The following ACOXL variants were observed in gnomAD, a reference collection of about 807,000 sequenced individuals.
The protein encoded by ACOXL is acyl-CoA oxidase like, also known as acyl-coenzyme A oxidase-like protein.
ACOXL carries 70 observed loss-of-function variants against 71.9 expected under a neutral mutation model. The ratio of observed to expected loss-of-function variants is 0.97; its 90% CI spans 0.80 to 1.19. The LOEUF (loss-of-function observed/expected upper bound fraction) is 1.19. ACOXL is among the 50% of genes most tolerant of loss of function. The pLI, the probability that ACOXL is intolerant of heterozygous loss-of-function variation, is 0.00. For missense variants in ACOXL, 703 were observed against 736.3 expected (o/e 0.95, Z 0.52); for synonymous variants, 253 against 281.6 (o/e 0.90, Z 1.02).
intron 17 of ACOXL, among the ~76,000 whole-genome samples, chr2:111,104,410 C>T (rs2069392345): frequency 1.3e-5 from 2 of 152,158 alleles, no homozygotes; most frequent in Non-Finnish European, 2.9e-5. Flanking sequence ...TAAGAAATTA[C>T]CAAACTTTTT....
intron 9 of ACOXL, among the ~76,000 whole-genome samples, chr2:110,810,225 T>A (rs1279130224): frequency 6.6e-6 from 1 of 152,266 alleles, no homozygotes; most frequent in Non-Finnish European, 1.5e-5. Flanking sequence ...TTGTCTGTTT[T>A]CTTTTTGCTT....
At chr2:110,955,933 A>AT (rs67285328) in intron 12 of ACOXL, among the ~76,000 whole-genome samples, 21,360 of 101,802 alleles carry the variant, frequency 0.21, 3,063 homozygotes, top group Non-Finnish European at 0.28. Flanking sequence ...CTTGCCACAG[A>AT]TTTTTTTTTT....
intron 10 of ACOXL, among the ~76,000 whole-genome samples, chr2:110,902,247 A>C (rs1272425529): frequency 6.6e-6 from 1 of 152,188 alleles, no homozygotes; most frequent in Admixed American, 6.5e-5. Context: ...AGGTGGGCAG[A>C]TCACTTGAAG....
intron 16 of ACOXL, among the ~76,000 whole-genome samples, chr2:111,071,716 CTTA>C (rs1481616907): frequency 6.6e-6 from 1 of 152,174 alleles, no homozygotes; most frequent in African/African-American, 2.4e-5. Context: ...CATCTTCCTG[CTTA>C]TTATGCAGCT....
At chr2:110,908,647 TA>T in intron 10 of ACOXL, 141 bp from the exon 11 acceptor site, 1 of 674,368 alleles carries the variant, frequency 1.5e-6, no homozygotes, top group Non-Finnish European at 2.6e-6. Flanking sequence ...TGTCTTGCCC[TA>T]ACCACATTTT....
chr2:110,919,862 T>G (rs1208577567), intron 11 of ACOXL, among the ~76,000 whole-genome samples: 1 of 152,234 alleles, frequency 6.6e-6, no homozygotes, highest in Non-Finnish European at 1.5e-5. Context: ...AATTTCAGAT[T>G]CATCCATGTC....
chr2:111,087,476 G>A (rs2068272499), intron 16 of ACOXL, among the ~76,000 whole-genome samples: 1 of 152,148 alleles, frequency 6.6e-6, no homozygotes, highest in Non-Finnish European at 1.5e-5. Context: ...GTACAGAATA[G>A]AGAGCCCAGA....
At chr2:111,098,517 G>C (rs1201081233) in intron 17 of ACOXL, 1 of 152,188 alleles carries the variant, frequency 6.6e-6, no homozygotes, top group African/African-American at 2.4e-5. Context: ...CAGAGCAGAA[G>C]AGACTCAGGA....
chr2:110,910,759 T>G (rs755538036), intron 11 of ACOXL, among the ~76,000 whole-genome samples: 1 of 152,350 alleles, frequency 6.6e-6, no homozygotes, highest in East Asian at 1.9e-4. Context: ...CTGTGAAAGA[T>G]CTATTTAAAT....
At chr2:111,105,462 AT>A (rs2150064336) in intron 17 of ACOXL, among the ~76,000 whole-genome samples, 1 of 79,254 alleles carries the variant, frequency 1.3e-5, no homozygotes, top group East Asian at 3.6e-4. Flanking sequence ...GTCTCTGAAT[AT>A]GGTATGTCTC....
chr2:111,057,413 A>G (rs1297802727), intron 16 of ACOXL, among the ~76,000 whole-genome samples: 2 of 152,190 alleles, frequency 1.3e-5, no homozygotes, highest in Non-Finnish European at 2.9e-5. Flanking sequence ...AGCATTCAAT[A>G]TTCCTTCCTT....
chr2:111,107,335 C>T (rs1237031035), intron 17 of ACOXL, among the ~76,000 whole-genome samples: 2 of 152,218 alleles, frequency 1.3e-5, no homozygotes, highest in East Asian at 1.9e-4. Flanking sequence ...TTTCTCTTCA[C>T]CTCTCAGAAT....
chr2:111,030,722 C>T (rs908453420), intron 14 of ACOXL, among the ~76,000 whole-genome samples: 1 of 123,874 alleles, frequency 8.1e-6, no homozygotes, highest in African/African-American at 3.1e-5. Flanking sequence ...TGAGTTATTT[C>T]CTTGAGCACA....
intron 11 of ACOXL, among the ~76,000 whole-genome samples, chr2:110,918,535 A>T (rs1349307095): frequency 6.6e-6 from 1 of 152,246 alleles, no homozygotes; most frequent in East Asian, 1.9e-4. Flanking sequence ...ATGGCAACAA[A>T]AGCCAAAATT....
At chr2:110,770,152 C>A (rs536469565) in intron 2 of ACOXL, among the ~76,000 whole-genome samples, 2 of 152,176 alleles carry the variant, frequency 1.3e-5, no homozygotes, top group African/African-American at 2.4e-5. Context: ...GCTGAGGAGC[C>A]GACCCTATCC....
chr2:111,061,896 T>TG (rs2066834398), intron 16 of ACOXL, among the ~76,000 whole-genome samples: 3 of 151,528 alleles, frequency 2.0e-5, no homozygotes, highest in African/African-American at 7.3e-5. Context: ...AATGCCCAAG[T>TG]CATGCATGGT....
rs566772370 is a variant in ACOXL, at chr2:110,968,635, CAAA to C, written c.1060-18471_1060-18469del. The C allele has an allele frequency of 9.6e-4, 897 of 929,912 alleles. 5 individuals are homozygous for C. The African/African-American group carries it at 0.013, about 14-fold the overall frequency. 57.6% of individuals were successfully genotyped at this position (929,912 alleles called of 1,614,324 possible). Reference sequence around the variant, plus strand: ...TTAAAAAGAAGAGGTGGAACTGTCCCAAAATGTCCATTGCCCAGAAGAAAGATC... The same window carrying C: ...TTAAAAAGAAGAGGTGGAACTGTCCCATGTCCATTGCCCAGAAGAAAGATC... On this transcript the variant is annotated intron_variant, in intron 12 of 17. Coordinates refer to ENST00000439055, the MANE Select transcript of ACOXL (RefSeq NM_001142807.4).
chr2:110,853,141 C>T (rs575633692), intron 10 of ACOXL, among the ~76,000 whole-genome samples: 2 of 152,154 alleles, frequency 1.3e-5, no homozygotes, highest in Non-Finnish European at 2.9e-5. Flanking sequence ...TTAATCTCCT[C>T]CTCCTATACC....
intron 10 of ACOXL, among the ~76,000 whole-genome samples, chr2:110,844,929 A>G (rs1455737694): frequency 6.6e-6 from 1 of 152,066 alleles, no homozygotes; most frequent in Admixed American, 6.5e-5. Flanking sequence ...TGAGGGATGT[A>G]GGTTTCTGGT....
Sources: allele counts gnomAD v4.1 joint callset (sites outside exome capture counted in the v4.1 genomes callset), GRCh38; gene constraint gnomAD v4.1.1; transcripts MANE v1.5; gene names NCBI Gene and HGNC (gene_info 2026-07-23, HGNC 2026-07-21).